Variants in PTPRQ observed in about 807,000 individuals in gnomAD.
PTPRQ encodes phosphatidylinositol phosphatase PTPRQ.
In PTPRQ, 199 loss-of-function variants were observed where a neutral mutation model predicts 246.0. The observed-to-expected ratio is 0.81, with a 90% CI of 0.72 to 0.91. The LOEUF (loss-of-function observed/expected upper bound fraction) is 0.91, where lower values mean the gene tolerates loss of function less well. Ranked by LOEUF, PTPRQ falls within the 40% of genes least tolerant of loss-of-function variation. PTPRQ has a pLI of 0.00. For synonymous variants in PTPRQ, 869 were observed against 853.2 expected, an observed-to-expected ratio of 1.02 and a Z score of -0.32; for missense variants, 2,624 against 2,528.4, an observed-to-expected ratio of 1.04 and a Z score of -0.81.
At chr12:80,636,044 G>A (rs964470521) in intron 35 of PTPRQ, among the ~76,000 whole-genome samples, 3 of 152,266 alleles carry the variant, frequency 2.0e-5, no homozygotes, top group East Asian at 3.9e-4. Context: ...TACCTAATAT[G>A]TGCTATAGAG....
intron 32 of PTPRQ, among the ~76,000 whole-genome samples, chr12:80,621,242 A>T (rs2121135044): frequency 6.6e-6 from 1 of 152,062 alleles, no homozygotes; most frequent in Non-Finnish European, 1.5e-5. Context: ...TTATTGCCTG[A>T]ATAGCTATAC....
intron 21 of PTPRQ, 70 bp from the exon 22 acceptor site, chr12:80,542,019 A>C: frequency 6.7e-7 from 1 of 1,499,592 alleles, no homozygotes; most frequent in Non-Finnish European, 8.9e-7. Flanking sequence ...AAATCCCATT[A>C]TGATTGAATC....
intron 39 of PTPRQ, among the ~76,000 whole-genome samples, chr12:80,663,947 A>AT (rs745703246): frequency 6.6e-6 from 1 of 151,854 alleles, no homozygotes; most frequent in African/African-American, 2.4e-5. Flanking sequence ...TCAAGACTTC[A>AT]TTTTTTCTCT....
At chr12:80,609,818 GA>G (rs1022908120) in intron 27 of PTPRQ, among the ~76,000 whole-genome samples, 1 of 150,472 alleles carries the variant, frequency 6.6e-6, no homozygotes. Flanking sequence ...GTGTATTTCT[GA>G]AAAATGTGTT....
At chr12:80,551,165 T>C (rs1380300223) in intron 25 of PTPRQ, among the ~76,000 whole-genome samples, 1 of 152,146 alleles carries the variant, frequency 6.6e-6, no homozygotes, top group African/African-American at 2.4e-5. Flanking sequence ...GAAGACCTAG[T>C]TGGAGTATCA....
In PTPRQ at chr12:80,670,334, C is replaced by A; in HGVS notation, c.6454-10C>A. 1 of 1,549,754 alleles carries A rather than the reference C, an allele frequency of 6.5e-7. No individual in the cohort carries two copies. Among genetic ancestry groups the A allele is most frequent in the Non-Finnish European group, 8.7e-7 (1 of 1,146,048 alleles). On this transcript the variant is annotated splice_polypyrimidine_tract_variant and intron_variant, in intron 41 of 44. Transcript: ENST00000644991. ...AATTTTGTCATTCATTAATCCGTCC[C>A]TTTGTCTAGCATGGGGATTGCATGA...
intron 25 of PTPRQ, among the ~76,000 whole-genome samples, chr12:80,580,811 G>A (rs11835126): frequency 0.022 from 3,391 of 152,250 alleles, 138 homozygotes; most frequent in South Asian, 0.066. Flanking sequence ...GTGCCAGTAT[G>A]TTCCAGTGTC....
In PTPRQ at chr12:80,495,072, C is replaced by T; in HGVS notation, c.1680C>T (p.Leu560=). ...TGGGAGAAGGACCACCAACAGTTCT[C>T]AGTGTTAGGACACGTCAGCAAGGTA... ...TIMGEGPPTV[L]SVRTRQQVPS... is the part of the protein sequence containing the mutation. The change falls in exon 11 of 45, where the codon CTC becomes CTT. Residue 560 remains leucine (L), a synonymous_variant. Transcript: ENST00000644991. 1 of 1,550,456 alleles carries T rather than the reference C, an allele frequency of 6.4e-7. No homozygotes were observed. Among genetic ancestry groups the T allele is most frequent in the Non-Finnish European group, 8.7e-7 (1 of 1,146,200 alleles).
rs555147236 is a variant in PTPRQ, at chr12:80,496,088, G to T, written c.1972G>T (p.Val658Leu). ...TTTGTCTGAAGAAAATGACATCTTTGTGAGAACTTCAGAAGATGGTAAGAA... is the reference window on the plus strand; with the variant it reads ...TTTGTCTGAAGAAAATGACATCTTTTTGAGAACTTCAGAAGATGGTAAGAA... The part of the protein sequence containing the change: ...SSLSEENDIF[V>L]RTSEDEPESS... The change falls in exon 13 of 45, where the codon GTG (valine) becomes TTG (leucine). Residue 658 changes from valine (V) to leucine (L), a missense_variant. Transcript: ENST00000644991. 5.8e-6 allele frequency: 9 copies of T among 1,548,542 alleles called. No individual in the cohort carries two copies. In the African/African-American group the frequency reaches 9.6e-5, roughly 17 times the overall value.
intron 14 of PTPRQ, among the ~76,000 whole-genome samples, chr12:80,502,967 TC>T (rs1204468612): frequency 1.3e-5 from 2 of 151,828 alleles, no homozygotes; most frequent in African/African-American, 4.8e-5. Context: ...AGTGATAGCA[TC>T]TTTAAGATGT....
At chr12:80,603,318 C>G (rs565170087) in intron 26 of PTPRQ, among the ~76,000 whole-genome samples, 1 of 151,696 alleles carries the variant, frequency 6.6e-6, no homozygotes. Flanking sequence ...TCATAGTTAC[C>G]TGAGTTGTCT....
intron 18 of PTPRQ, among the ~76,000 whole-genome samples, chr12:80,534,536 TTTA>T (rs1270445816): frequency 2.0e-5 from 3 of 151,906 alleles, no homozygotes; most frequent in Non-Finnish European, 4.4e-5. Flanking sequence ...GTCTATGACT[TTTA>T]TTATTCAATA....
In PTPRQ at chr12:80,679,285, A is replaced by C. The variant is rs780134883; in HGVS notation, c.*262A>C. ...ATCCCATATGTTTTTGAAGTCCTCC[A>C]TATTTTGGAATAAGCCAAATAGAAA... On this transcript the variant is annotated 3_prime_UTR_variant, in exon 45 of 45. Transcript: ENST00000644991. 1 of 303,940 alleles carries C rather than the reference A, an allele frequency of 3.3e-6. No homozygotes were observed. Among genetic ancestry groups the C allele is most frequent in the East Asian group, 5.4e-5 (1 of 18,564 alleles). 18.8% of individuals were successfully genotyped at this position (303,940 alleles called of 1,614,324 possible). A position where few individuals can be genotyped will look rare whatever the true frequency, so the allele number is the denominator to read the frequency against.
At chr12:80,657,688 T>C (rs1269621000) in intron 38 of PTPRQ, among the ~76,000 whole-genome samples, 1 of 151,790 alleles carries the variant, frequency 6.6e-6, no homozygotes, top group African/African-American at 2.4e-5. Flanking sequence ...CGGAAAGACA[T>C]AGGTAAATGA....
At chr12:80,550,120 T>C (rs1010989155) in intron 25 of PTPRQ, among the ~76,000 whole-genome samples, 4 of 152,160 alleles carry the variant, frequency 2.6e-5, no homozygotes, top group African/African-American at 9.6e-5. Context: ...AACTATATGG[T>C]TGCAGTATCA....
intron 39 of PTPRQ, among the ~76,000 whole-genome samples, chr12:80,659,874 C>T (rs11114550): frequency 0.052 from 7,836 of 151,998 alleles, 384 homozygotes; most frequent in East Asian, 0.21. Flanking sequence ...TACAAGAAGG[C>T]GGATTTCTAT....
At chr12:80,558,269 G>A (rs1394586295) in intron 25 of PTPRQ, among the ~76,000 whole-genome samples, 3 of 151,760 alleles carry the variant, frequency 2.0e-5, no homozygotes, top group Admixed American at 2.0e-4. Flanking sequence ...CCGGGTTCAA[G>A]TCATTCTTCT....
At chr12:80,541,341 A>C (rs1759372320) in intron 20 of PTPRQ, among the ~76,000 whole-genome samples, 1 of 152,126 alleles carries the variant, frequency 6.6e-6, no homozygotes, top group African/African-American at 2.4e-5. Context: ...ATTCCCATAC[A>C]TATTAAAGAT....
chr12:80,509,557 C>T (rs1481069674), intron 16 of PTPRQ, among the ~76,000 whole-genome samples: 1 of 152,074 alleles, frequency 6.6e-6, no homozygotes, highest in Non-Finnish European at 1.5e-5. Flanking sequence ...TAAGACATTA[C>T]TGTGTTATTA....
Sources: gnomAD v4.1 joint callset for allele counts (sites outside exome capture counted in the v4.1 genomes callset) on GRCh38, gnomAD v4.1.1 for gene constraint, MANE v1.5 for transcripts, NCBI Gene and HGNC (gene_info 2026-07-23, HGNC 2026-07-21) for gene names.